Variants in TRIM46 observed in about 807,000 individuals in gnomAD.
TRIM46 encodes tripartite motif-containing protein 46.
TRIM46 carries 17 observed loss-of-function variants against 69.7 expected under a neutral mutation model. The observed-to-expected ratio is 0.24, with a 90% confidence interval of 0.17 to 0.37. TRIM46 has a LOEUF of 0.37. TRIM46 is among the 10% of genes least tolerant of loss of function. The pLI is 1.00. For synonymous variants in TRIM46, 391 were observed against 429.0 expected (o/e 0.91, Z 1.09); for missense variants, 675 against 1,025.1 (o/e 0.66, Z 4.66).
Position 155,175,453 on chromosome 1 carries a change from T to G in TRIM46, c.131T>G (p.Leu44Arg). Residue 44 changes from leucine to arginine, a missense_variant, in exon 2 of 10, where the codon CTG (leucine) becomes CGG (arginine). Coordinates refer to ENST00000334634, the MANE Select transcript of TRIM46 (RefSeq NM_025058.5). The surrounding 1 kb of genome is among the most constrained non-coding windows in gnomAD (Gnocchi z 4.2). ...PVCQEMYKQP[L>R]VLPCTHNVCQ... The stretch of plus-strand genomic sequence containing the variant: ...TGTCAAGAGATGTACAAGCAGCCAC[T>G]GGTGCTGCCCTGTACCCACAACGTG... 6.2e-7 allele frequency: 1 copy of G among 1,614,122 alleles called. No homozygotes were observed. Among genetic ancestry groups the G allele is most frequent in the Non-Finnish European group, 8.5e-7 (1 of 1,179,980 alleles).
chr1:155,183,915 T>C lies in TRIM46; in HGVS notation c.2005T>C (p.Ser669Pro). Reference protein sequence around the residue: ...GKILLGSGASSNAGLTGRDGP... With the variant: ...GKILLGSGASPNAGLTGRDGP... ...GATCCTGCTGGGGTCGGGGGCAAGC[T>C]CAAACGCAGGGCTGACAGGGAGGGA... The change falls in exon 10 of 10, where the codon TCA becomes CCA. Residue 669 changes from serine to proline, a missense_variant. Physicochemically the swap from Ser to Pro is moderately conservative, Grantham distance 74 (BLOSUM62 -1). Around this residue, in one of 5 missense-constraint regions of TRIM46, gnomAD observed 108 missense variants for 153.0 expected, o/e 0.71. Transcript: ENST00000334634. The C allele has an allele frequency of 1.2e-6, 2 of 1,613,766 alleles. No individual in the cohort carries two copies. The highest frequency in any genetic ancestry group is 2.7e-5 in the African/African-American group (2 of 75,020).
chr1:155,178,971 G>A (rs1043892888), intron 7 of TRIM46: 31 of 641,314 alleles, frequency 4.8e-5, no homozygotes, highest in African/African-American at 4.1e-4. Context: ...CCCCGACCTC[G>A]TGGTCCTCCC....
Position 155,181,976 on chromosome 1 carries a change from G to A in TRIM46, c.1713G>A (p.Leu571=). The A allele has an allele frequency of 1.2e-6, 2 of 1,613,792 alleles. No homozygotes were observed. The highest frequency in any genetic ancestry group is 1.7e-6 in the Non-Finnish European group (2 of 1,179,948). Reference sequence around the variant, plus strand: ...TGCTGCTGGCTGCTGACCGGCTGCTGACCGGCTGCCACCTGAGTGTGGATG... The same window carrying A: ...TGCTGCTGGCTGCTGACCGGCTGCTAACCGGCTGCCACCTGAGTGTGGATG... ...LPLLLAADRL[L]TGCHLSVDVV... is the part of the protein sequence containing the mutation. The change falls in exon 9 of 10, where the codon CTG becomes CTA. Residue 571 remains leucine (L), a synonymous_variant. Transcript: ENST00000334634. This position sits in a 1 kb window ranked among gnomAD's most constrained non-coding sequence, Gnocchi z 4.3.
chr1:155,182,091 G>A lies in TRIM46; in HGVS notation c.1828G>A (p.Gly610Arg). ...CTCCTACTTGGTCAAGGTGGGCGTC[G>A]GGCTGGAGAGCAAGCTTCAAGAAAG... ...PASYLVKVGV[G>R]LESKLQESFQ... Residue 610 changes from glycine to arginine, a missense_variant, in exon 9 of 10, where the codon GGG becomes AGG. Around this residue, in one of 5 missense-constraint regions of TRIM46, gnomAD observed 35 missense variants for 99.3 expected, o/e 0.35. Coordinates refer to ENST00000334634, the MANE Select transcript of TRIM46 (RefSeq NM_025058.5). The A allele has an allele frequency of 6.2e-7, 1 of 1,614,156 alleles. No individual in the cohort carries two copies. The highest frequency in any genetic ancestry group is 8.5e-7 in the Non-Finnish European group (1 of 1,180,018).
chr1:155,178,116 C>T lies in TRIM46; in HGVS notation c.1024C>T (p.Arg342Trp), dbSNP rs372574574. ...LQAIEECQQE[R>W]LARLSAQIQE... The stretch of plus-strand genomic sequence containing the variant: ...GGCCATTGAAGAATGCCAGCAGGAG[C>T]GGCTGGCCCGTCTCAGCGCCCAGAT... Residue 342 changes from arginine (R) to tryptophan (W), a missense_variant, in exon 6 of 10, where the codon CGG (arginine) becomes TGG (tryptophan). By Grantham distance (101) the Arg-to-Trp change is moderately radical. Coordinates refer to ENST00000334634, the MANE Select transcript of TRIM46 (RefSeq NM_025058.5). 3.5e-5 allele frequency: 57 copies of T among 1,613,972 alleles called. No homozygotes were observed. The East Asian group carries it at 5.8e-4, about 16-fold the overall frequency.
chr1:155,180,217 A>G (rs937400666), intron 8 of TRIM46, among the ~76,000 whole-genome samples: 1 of 152,222 alleles, frequency 6.6e-6, no homozygotes, highest in Admixed American at 6.5e-5. Context: ...CTGTAATCCT[A>G]GCACTTTGGG....
Position 155,177,394 on chromosome 1 carries a change from G to A in TRIM46, c.909+104G>A, listed in dbSNP as rs1665747144. On this transcript the variant is annotated intron_variant, in intron 5 of 9. Coordinates refer to ENST00000334634, the MANE Select transcript of TRIM46 (RefSeq NM_025058.5). ...AATCACCTTGTTGCTAGCTCAGGAA[G>A]CCCGTGAGGTGTCCAGGTTCTGGTT... The A allele has an allele frequency of 1.9e-5, 19 of 1,007,184 alleles. No individual in the cohort carries two copies. The South Asian group carries it at 2.5e-4, about 13-fold the overall frequency. 62.4% of individuals were successfully genotyped at this position (1,007,184 alleles called of 1,614,324 possible). A position where few individuals can be genotyped will look rare whatever the true frequency, so the allele number is the denominator to read the frequency against.
chr1:155,183,739 G>A, intron 9 of TRIM46, 58 bp from the exon 10 acceptor site: 1 of 1,584,126 alleles, frequency 6.3e-7, no homozygotes, highest in Non-Finnish European at 8.5e-7. Context: ...TCTCCCTCTG[G>A]TACCTCATCC....
Position 155,175,749 on chromosome 1 carries a change from G to T in TRIM46, c.325+102G>T. 1 of 1,597,726 alleles carries T rather than the reference G, an allele frequency of 6.3e-7. No homozygotes were observed. Among genetic ancestry groups the T allele is most frequent in the Non-Finnish European group, 8.5e-7 (1 of 1,169,658 alleles). On this transcript the variant is annotated intron_variant, in intron 2 of 9. Transcript: ENST00000334634. The surrounding 1 kb of genome is among the most constrained non-coding windows in gnomAD (Gnocchi z 4.2). Reference sequence around the variant, plus strand: ...TCAGAGGCATCTGTCTGTCTTTCTGGGGGGTGGAGATACTGCTTACGCAGG... The same window carrying T: ...TCAGAGGCATCTGTCTGTCTTTCTGTGGGGTGGAGATACTGCTTACGCAGG...
rs773377733 is a variant in TRIM46 at position 155,175,522 on chromosome 1, T to C, written c.200T>C (p.Ile67Thr). Residue 67 changes from isoleucine (I) to threonine (T), a missense_variant, in exon 2 of 10, where the codon ATA becomes ACA. Ile to Thr is a moderately conservative substitution (Grantham distance 89). Around this residue, in one of 5 missense-constraint regions of TRIM46, gnomAD observed 170 missense variants for 255.6 expected, o/e 0.67. Coordinates refer to ENST00000334634, the MANE Select transcript of TRIM46 (RefSeq NM_025058.5). This position sits in a 1 kb window ranked among gnomAD's most constrained non-coding sequence, Gnocchi z 4.2. ...GAGGTCTTGGGCCAGCAGGGCTACATAGGACATGGTGGGGACCCCAGCTCC... is the reference window on the plus strand; with the variant it reads ...GAGGTCTTGGGCCAGCAGGGCTACACAGGACATGGTGGGGACCCCAGCTCC... Reference protein sequence around the residue: ...AREVLGQQGYIGHGGDPSSEP... With the variant: ...AREVLGQQGYTGHGGDPSSEP... 2.5e-6 allele frequency: 4 copies of C among 1,614,042 alleles called. No individual in the cohort carries two copies. The highest frequency in any genetic ancestry group is 3.4e-6 in the Non-Finnish European group (4 of 1,179,964).
chr1:155,178,880 C>T (rs1360362901), intron 7 of TRIM46: 10 of 1,397,552 alleles, frequency 7.2e-6, no homozygotes, highest in Admixed American at 4.3e-5. Flanking sequence ...GGGCCCTGCC[C>T]GCCGCCGGGC....
chr1:155,175,250 C>A lies in TRIM46; in HGVS notation c.64-136C>A. On this transcript the variant is annotated intron_variant, in intron 1 of 9. Transcript: ENST00000334634. This position sits in a 1 kb window ranked among gnomAD's most constrained non-coding sequence, Gnocchi z 4.2. The stretch of plus-strand genomic sequence containing the variant: ...GGAAGGTCTGTGAACCAGCCCAAGG[C>A]AGGTGCTCTGGAAAAGCTGCAGGTA... 1 of 1,531,210 alleles carries A rather than the reference C, an allele frequency of 6.5e-7. No homozygotes were observed. Among genetic ancestry groups the A allele is most frequent in the Non-Finnish European group, 8.7e-7 (1 of 1,149,794 alleles). 94.9% of individuals were successfully genotyped at this position (1,531,210 alleles called of 1,614,324 possible). A position where few individuals can be genotyped will look rare whatever the true frequency, so the allele number is the denominator to read the frequency against.
Position 155,175,141 on chromosome 1 carries a change from C to A in TRIM46, c.64-245C>A. 1 of 1,384,910 alleles carries A rather than the reference C, an allele frequency of 7.2e-7. No homozygotes were observed. The highest frequency in any genetic ancestry group is 9.3e-7 in the Non-Finnish European group (1 of 1,072,716). The allele number at this position is 1,384,910 out of a possible 1,614,324, so 85.8% of individuals were successfully genotyped here. On this transcript the variant is annotated intron_variant, in intron 1 of 9. Coordinates refer to ENST00000334634, the MANE Select transcript of TRIM46 (RefSeq NM_025058.5). This position sits in a 1 kb window ranked among gnomAD's most constrained non-coding sequence, Gnocchi z 4.2. Reference sequence around the variant, plus strand: ...GGAGAAATGGGGATTGGGCTTGAGGCTGGAGCAGGCACAAGCTCCAACCGT... The same window carrying A: ...GGAGAAATGGGGATTGGGCTTGAGGATGGAGCAGGCACAAGCTCCAACCGT...
Position 155,179,924 on chromosome 1 carries a change from C to T in TRIM46, c.1578C>T (p.Pro526=), listed in dbSNP as rs540479338. 245 of 1,575,084 alleles carry T rather than the reference C, an allele frequency of 1.6e-4. 2 individuals are homozygous for T. In the South Asian group the frequency reaches 2.6e-3, roughly 17 times the overall value. The change falls in exon 8 of 10, where the codon CCC becomes CCT. Residue 526 remains proline, a synonymous_variant. Coordinates refer to ENST00000334634, the MANE Select transcript of TRIM46 (RefSeq NM_025058.5). ...EYSEDVHLHT[P]PAPVLHFFLD... The stretch of plus-strand genomic sequence containing the variant: ...GTGAAGATGTGCACCTGCACACGCC[C>T]CCGGCACCTGGTGAGTGGGCAGGCA...
intron 3 of TRIM46, 53 bp from the exon 4 acceptor site, chr1:155,176,879 G>C: frequency 6.3e-7 from 1 of 1,592,618 alleles, no homozygotes; most frequent in Non-Finnish European, 8.6e-7. Flanking sequence ...TGGTAGCATA[G>C]CACCCTTACC....
Position 155,177,190 on chromosome 1 carries a change from CT to C in TRIM46, c.814-4del. 1 of 1,614,182 alleles carries C rather than the reference CT, an allele frequency of 6.2e-7. No individual in the cohort carries two copies. Among genetic ancestry groups the C allele is most frequent in the South Asian group, 1.1e-5 (1 of 91,074 alleles). ...CTTGATGCCCACCTCTTTCTTCCCC[CT>C]CAGGACAAGCTGACAAAGAGCCTGA... is the stretch of plus-strand genomic sequence containing the variant. On this transcript the variant is annotated splice_region_variant and splice_polypyrimidine_tract_variant and intron_variant, in intron 4 of 9. Transcript: ENST00000334634.
In TRIM46 at chr1:155,176,948, A is replaced by G. The variant is rs1418148300; in HGVS notation, c.686A>G (p.Asp229Gly). 2 of 1,614,048 alleles carry G rather than the reference A, an allele frequency of 1.2e-6. No individual in the cohort carries two copies. The highest frequency in any genetic ancestry group is 2.7e-5 in the African/African-American group (2 of 74,928). ...SFRPKGLMCP[D>G]HKEEVTHYCK... Reference sequence around the variant, plus strand: ...TGTCCCTAGGGCCTTATGTGCCCAGACCACAAGGAAGAGGTGACCCACTAC... The same window carrying G: ...TGTCCCTAGGGCCTTATGTGCCCAGGCCACAAGGAAGAGGTGACCCACTAC... The change falls in exon 4 of 10, where the codon GAC (aspartate) becomes GGC (glycine). Residue 229 changes from aspartate to glycine, a missense_variant. Asp to Gly is a moderately conservative substitution (Grantham distance 94, BLOSUM62 -1). Around this residue, in one of 5 missense-constraint regions of TRIM46, gnomAD observed 361 missense variants for 498.3 expected, o/e 0.72. Transcript: ENST00000334634.
At chr1:155,174,055 G>T in intron 1 of TRIM46, 26 bp downstream of exon 1, 1 of 1,554,266 alleles carries the variant, frequency 6.4e-7, no homozygotes, top group South Asian at 1.2e-5. Flanking sequence ...GTCGAGGGAA[G>T]GGGAGGGGGC....
intron 8 of TRIM46, 45 bp downstream of exon 8, chr1:155,179,979 G>GC (rs1557815070): frequency 1.1e-5 from 17 of 1,535,350 alleles, no homozygotes; most frequent in Non-Finnish European, 1.4e-5. Context: ...CATGGGGTAT[G>GC]CCAGGGCCTA....
Sources: allele counts gnomAD v4.1 joint callset (sites outside exome capture counted in the v4.1 genomes callset), GRCh38; gene constraint gnomAD v4.1.1; regional missense constraint gnomAD v4.1.1; non-coding constraint Gnocchi (gnomAD v3.1); transcripts MANE v1.5; gene names NCBI Gene and HGNC (gene_info 2026-07-23, HGNC 2026-07-21).